Variants in KRT24 observed in about 807,000 individuals in gnomAD.
The protein encoded by KRT24 is keratin 24.
In KRT24, 44 loss-of-function variants were observed where a neutral mutation model predicts 51.7. The ratio of observed to expected loss-of-function variants is 0.85; its 90% CI spans 0.67 to 1.09. KRT24 has a LOEUF of 1.09. KRT24 is among the 50% of genes least tolerant of loss of function. The pLI is 0.00. For missense variants in KRT24, 633 were observed against 647.0 expected (o/e 0.98, Z 0.24); for synonymous variants, 241 against 249.5 (o/e 0.97, Z 0.32).
chr17:40,701,216 A>T lies in KRT24; in HGVS notation c.779T>A (p.Met260Lys), dbSNP rs536352942. 6.2e-7 allele frequency: 1 copy of T among 1,614,122 alleles called. No homozygotes were observed. The highest frequency in any genetic ancestry group is 1.7e-5 in the Admixed American group (1 of 60,022). ...CTGCATCTCCAGGTCAGAGCGGGTCATAGTCAGGTCATCCAGGACTTTCCG... is the reference window on the plus strand; with the variant it reads ...CTGCATCTCCAGGTCAGAGCGGGTCTTAGTCAGGTCATCCAGGACTTTCCG... Reference protein sequence around the residue: ...GLRKVLDDLTMTRSDLEMQIE... With the variant: ...GLRKVLDDLTKTRSDLEMQIE... Residue 260 changes from methionine (M) to lysine (K), a missense_variant, in exon 3 of 8, where the codon ATG becomes AAG. By Grantham distance (95) the Met-to-Lys change is moderately conservative. Transcript: ENST00000264651.
At chr17:40,703,055 A>C in intron 1 of KRT24, 24 bp downstream of exon 1, 1 of 1,534,906 alleles carries the variant, frequency 6.5e-7, no homozygotes, top group Non-Finnish European at 8.7e-7. Flanking sequence ...CAAATAATAG[A>C]AACTCAGGCA....
chr17:40,701,564 C>G (rs1342851057), intron 2 of KRT24, among the ~76,000 whole-genome samples: 4 of 149,612 alleles, frequency 2.7e-5, no homozygotes, highest in Non-Finnish European at 5.9e-5. Context: ...TCTTTTGCAG[C>G]TGTTGTAGGC....
rs1404384713 is a variant in KRT24, at chr17:40,700,359, A to T, written c.880T>A (p.Ser294Thr). 6.2e-7 allele frequency: 1 copy of T among 1,613,408 alleles called. No homozygotes were observed. The highest frequency in any genetic ancestry group is 8.5e-7 in the Non-Finnish European group (1 of 1,179,722). The change falls in exon 4 of 8, where the codon TCT becomes ACT. Residue 294 changes from serine (S) to threonine (T), a missense_variant. Physicochemically the swap from Ser to Thr is moderately conservative, Grantham distance 58. Coordinates refer to ENST00000264651, the MANE Select transcript of KRT24 (RefSeq NM_019016.3). ...ATTTCTACGGTCACCTCCCCTCCAG[A>T]GCTTCCTTGCATATTCTTCATTTCC... ...EEEMKNMQGS[S>T]GGEVTVEMNA...
intron 5 of KRT24, 107 bp from the exon 6 acceptor site, chr17:40,699,768 C>T: frequency 1.9e-6 from 2 of 1,040,736 alleles, no homozygotes; most frequent in Middle Eastern, 2.5e-4. Context: ...GCCATATAAC[C>T]TATATTGTTA....
At chr17:40,702,951 T>A in intron 1 of KRT24, 128 bp downstream of exon 1, 1 of 877,154 alleles carries the variant, frequency 1.1e-6, no homozygotes, top group Non-Finnish European at 1.7e-6. Context: ...ACACATCAGG[T>A]CCCACTTTGC....
intron 3 of KRT24, 118 bp from the exon 4 acceptor site, chr17:40,700,501 A>C: frequency 4.1e-6 from 3 of 728,576 alleles, no homozygotes; most frequent in Non-Finnish European, 6.8e-6. Flanking sequence ...AAAAAATCAA[A>C]TCTAGGTATA....
chr17:40,703,298 A>G lies in KRT24; in HGVS notation c.396T>C (p.Asp132=). 6.2e-7 allele frequency: 1 copy of G among 1,613,896 alleles called. No homozygotes were observed. Among genetic ancestry groups the G allele is most frequent in the Non-Finnish European group, 8.5e-7 (1 of 1,179,972 alleles). ...TTTCCCCTCCAGAGAAAAGCCCCCC[A>G]TCGCCAACACCACCTCCCATACCAC... ...YGGGMGGGVG[D]GGLFSGGEKQ... is the part of the protein sequence containing the mutation. The change falls in exon 1 of 8, where the codon GAT becomes GAC. Residue 132 remains aspartate (D), a synonymous_variant. Transcript: ENST00000264651.
chr17:40,702,381 A>G (rs2037694211), intron 1 of KRT24, among the ~76,000 whole-genome samples: 1 of 152,096 alleles, frequency 6.6e-6, no homozygotes, highest in Admixed American at 6.5e-5. Context: ...TTGCAAACTT[A>G]CTTAGTAATG....
Position 40,698,666 on chromosome 17 carries a change from A to T in KRT24, c.1362-16T>A. ...ACTAGAACCACTGGAGAAAAAAAGAATTATGTTTTCCTTTGCAGTTTGCAA... is the reference window on the plus strand; with the variant it reads ...ACTAGAACCACTGGAGAAAAAAAGATTTATGTTTTCCTTTGCAGTTTGCAA... On this transcript the variant is annotated splice_polypyrimidine_tract_variant and intron_variant, in intron 6 of 7. Transcript: ENST00000264651. 7.6e-7 allele frequency: 1 copy of T among 1,322,316 alleles called. No homozygotes were observed. The highest frequency in any genetic ancestry group is 1.1e-6 in the Non-Finnish European group (1 of 920,298). The allele number at this position is 1,322,316 out of a possible 1,614,324, so 81.9% of individuals were successfully genotyped here.
chr17:40,703,698 C>A lies in KRT24; in HGVS notation c.-5G>T. 6.5e-7 allele frequency: 1 copy of A among 1,548,360 alleles called. No individual in the cohort carries two copies. The highest frequency in any genetic ancestry group is 8.7e-7 in the Non-Finnish European group (1 of 1,149,266). On this transcript the variant is annotated 5_prime_UTR_variant, in exon 1 of 8. Coordinates refer to ENST00000264651, the MANE Select transcript of KRT24 (RefSeq NM_019016.3). ...GGCGCGAGACGAGCAAGACATGGTG[C>A]TCCTGCAAACATGAGCTTGTCCAGG...
At chr17:40,698,925 G>A (rs1211731686) in intron 6 of KRT24, among the ~76,000 whole-genome samples, 3 of 150,456 alleles carry the variant, frequency 2.0e-5, no homozygotes, top group African/African-American at 4.9e-5. Context: ...CACCCAGGCT[G>A]GAGTATAGTG....
chr17:40,698,797 C>G, intron 6 of KRT24, 147 bp from the exon 7 acceptor site: 1 of 627,082 alleles, frequency 1.6e-6, no homozygotes, highest in East Asian at 2.7e-5. Context: ...CAACCTTGCA[C>G]TCCTGGGCTC....
Position 40,700,013 on chromosome 17 carries a change from C to T in KRT24, c.1128G>A (p.Gln376=), listed in dbSNP as rs1220520392. The T allele has an allele frequency of 1.2e-6, 2 of 1,614,186 alleles. No individual in the cohort carries two copies. The highest frequency in any genetic ancestry group is 2.2e-5 in the East Asian group (1 of 44,886). ...RTLQALEIEL[Q]SQLAMKSSLE... is the part of the protein sequence containing the mutation. ...TTGCACATACCATGGCCAGTTGGGACTGAAGCTCAATTTCCAGGGCTTGCA... is the reference window on the plus strand; with the variant it reads ...TTGCACATACCATGGCCAGTTGGGATTGAAGCTCAATTTCCAGGGCTTGCA... Residue 376 remains glutamine, a synonymous_variant, in exon 5 of 8, where the codon CAG becomes CAA. Coordinates refer to ENST00000264651, the MANE Select transcript of KRT24 (RefSeq NM_019016.3).
At chr17:40,701,317 G>C (rs550871027) in intron 2 of KRT24, 21 bp from the exon 3 acceptor site, 4 of 1,601,050 alleles carry the variant, frequency 2.5e-6, no homozygotes, top group Non-Finnish European at 3.4e-6. Context: ...CAGCAGTAAG[G>C]CAAAAAATAC....
At chr17:40,700,199 G>C in intron 4 of KRT24, 23 bp downstream of exon 4, 1 of 1,613,992 alleles carries the variant, frequency 6.2e-7, no homozygotes, top group Non-Finnish European at 8.5e-7. Flanking sequence ...TACTGGCTTA[G>C]GTGCTCAGCA....
Position 40,700,121 on chromosome 17 carries a change from G to C in KRT24, c.1020C>G (p.Ser340Arg). 1.2e-6 allele frequency: 2 copies of C among 1,614,122 alleles called. No individual in the cohort carries two copies. The highest frequency in any genetic ancestry group is 1.7e-6 in the Non-Finnish European group (2 of 1,180,014). ...REAEERFNKQ[S>R]ASLQAQISTD... is the part of the protein sequence containing the mutation. ...TGGAGATTTGTGCTTGTAGTGATGC[G>C]CTCTAAATACAAACATAATGCAGCT... The change falls in exon 5 of 8, where the codon AGC (serine) becomes AGG (arginine). Residue 340 changes from serine to arginine, a missense_variant and splice_region_variant. Ser to Arg is a moderately radical substitution (Grantham distance 110). Coordinates refer to ENST00000264651, the MANE Select transcript of KRT24 (RefSeq NM_019016.3).
Position 40,703,389 on chromosome 17 carries a change from C to A in KRT24, c.305G>T (p.Gly102Val). ...SFGGVSGFGRGSGFCGSSRFS... is the reference protein window; with the variant it reads ...SFGGVSGFGRVSGFCGSSRFS... ...TCTAGAACTCCCACAGAATCCAGAACCCCTGCCAAATCCAGAGACCCCGCC... is the reference window on the plus strand; with the variant it reads ...TCTAGAACTCCCACAGAATCCAGAAACCCTGCCAAATCCAGAGACCCCGCC... Residue 102 changes from glycine to valine, a missense_variant, in exon 1 of 8, where the codon GGT (glycine) becomes GTT (valine). Gly to Val is a moderately radical substitution (Grantham distance 109). Coordinates refer to ENST00000264651, the MANE Select transcript of KRT24 (RefSeq NM_019016.3). 1 of 1,612,680 alleles carries A rather than the reference C, an allele frequency of 6.2e-7. No individual in the cohort carries two copies. The highest frequency in any genetic ancestry group is 8.5e-7 in the Non-Finnish European group (1 of 1,178,774).
chr17:40,701,908 G>A lies in KRT24; in HGVS notation c.641C>T (p.Ala214Val). 1 of 1,551,662 alleles carries A rather than the reference G, an allele frequency of 6.4e-7. No individual in the cohort carries two copies. Among genetic ancestry groups the A allele is most frequent in the Non-Finnish European group, 8.8e-7 (1 of 1,141,802 alleles). Residue 214 changes from alanine (A) to valine (V), a missense_variant, in exon 2 of 8, where the codon GCT becomes GTT. By Grantham distance (64) the Ala-to-Val change is moderately conservative. Transcript: ENST00000264651. ...ATTGTCAATGTGCAAAATGATCCCAGCATTTTCAACAGTGGCAGCAATGAT... is the reference window on the plus strand; with the variant it reads ...ATTGTCAATGTGCAAAATGATCCCAACATTTTCAACAGTGGCAGCAATGAT... ...NQIIAATVEN[A>V]GIILHIDNAR...
chr17:40,699,379 A>G, intron 6 of KRT24, 65 bp downstream of exon 6: 1 of 1,290,118 alleles, frequency 7.8e-7, no homozygotes, highest in Non-Finnish European at 1.1e-6. Flanking sequence ...CCTGAGTCCC[A>G]TTTTGGTTTT....
Sources: allele counts gnomAD v4.1 joint callset (sites outside exome capture counted in the v4.1 genomes callset), GRCh38; gene constraint gnomAD v4.1.1; transcripts MANE v1.5; gene names NCBI Gene and HGNC (gene_info 2026-07-23, HGNC 2026-07-21).